COLEC10: variants seen among roughly 807,000 people sequenced by gnomAD.
COLEC10 encodes the protein collectin subfamily member 10, also known as collectin-10.
A neutral mutation model predicts 28.4 loss-of-function variants in COLEC10; 22 were observed. The observed-to-expected ratio is 0.78, with a 90% CI of 0.55 to 1.11. The LOEUF (loss-of-function observed/expected upper bound fraction) is 1.11. COLEC10 is among the 50% of genes least tolerant of loss of function. COLEC10 has a pLI of 0.00. For missense variants in COLEC10, 361 were observed against 344.1 expected (o/e 1.05, Z -0.39); for synonymous variants, 125 against 116.1 (o/e 1.08, Z -0.49).
At chr8:118,998,020 A>G (rs1326455469) in intron 1 of COLEC10, among the ~76,000 whole-genome samples, 1 of 152,186 alleles carries the variant, frequency 6.6e-6, no homozygotes, top group Admixed American at 6.5e-5. Flanking sequence ...TCAACATATG[A>G]TCAATCAAGA....
intron 2 of COLEC10, among the ~76,000 whole-genome samples, chr8:119,035,918 G>C (rs1460391002): frequency 6.6e-6 from 1 of 152,058 alleles, no homozygotes; most frequent in Non-Finnish European, 1.5e-5. Flanking sequence ...TGCTGTTTAA[G>C]GTACCAGTGT....
the COLEC10 span, among the ~76,000 whole-genome samples, chr8:118,965,910 T>A: frequency 6.6e-6 from 1 of 152,056 alleles, no homozygotes; most frequent in Non-Finnish European, 1.5e-5. Context: ...TGACAAAAAA[T>A]TAATTCTGTT....
chr8:118,978,656 A>G, the COLEC10 span, among the ~76,000 whole-genome samples: 299 of 152,188 alleles, frequency 2.0e-3, no homozygotes, highest in African/African-American at 6.7e-3. Flanking sequence ...ATATATACAC[A>G]TATATGTATA....
chr8:119,033,611 A>G (rs1463850652), intron 2 of COLEC10, among the ~76,000 whole-genome samples: 1 of 152,230 alleles, frequency 6.6e-6, no homozygotes, highest in Non-Finnish European at 1.5e-5. Context: ...CAAAAAAGAC[A>G]TTTATGCAGC....
upstream of COLEC10, among the ~76,000 whole-genome samples, chr8:119,066,549 C>T (rs1240270329): frequency 6.6e-6 from 1 of 152,190 alleles, no homozygotes; most frequent in African/African-American, 2.4e-5. Flanking sequence ...CGTTGTTAGG[C>T]AATTGAAGGC....
At position 119,106,295 on chromosome 8, in the gene COLEC10, T is replaced by G; in HGVS notation, c.*104T>G. On this transcript the variant is annotated 3_prime_UTR_variant, in exon 6 of 6. Transcript: ENST00000332843. ...GTACTACATTTGATCTGAGTCAACATAGCTAGAAAATGCTAAACTGAGGTA... is the reference window on the plus strand; with the variant it reads ...GTACTACATTTGATCTGAGTCAACAGAGCTAGAAAATGCTAAACTGAGGTA... 7.9e-7 allele frequency: 1 copy of G among 1,267,944 alleles called. No homozygotes were observed. Among genetic ancestry groups the G allele is most frequent in the South Asian group, 1.5e-5 (1 of 68,004 alleles). 78.5% of individuals were successfully genotyped at this position (1,267,944 alleles called of 1,614,324 possible). A position where few individuals can be genotyped will look rare whatever the true frequency, so the allele number is the denominator to read the frequency against.
At chr8:119,019,486 TG>T (rs1814054648) in intron 2 of COLEC10, among the ~76,000 whole-genome samples, 1 of 152,204 alleles carries the variant, frequency 6.6e-6, no homozygotes, top group Non-Finnish European at 1.5e-5. Flanking sequence ...TCCGTCTTCC[TG>T]GAATGTCCTT....
At chr8:118,964,643 A>G in the COLEC10 span, among the ~76,000 whole-genome samples, 1 of 152,220 alleles carries the variant, frequency 6.6e-6, no homozygotes, top group Non-Finnish European at 1.5e-5. Flanking sequence ...TAAGGTGTTT[A>G]TGATCTTGAG....
intron 2 of COLEC10, among the ~76,000 whole-genome samples, chr8:119,062,150 A>G (rs1167202617): frequency 6.6e-6 from 1 of 152,134 alleles, no homozygotes; most frequent in Non-Finnish European, 1.5e-5. Context: ...TTGTATTAAA[A>G]TTATAATATT....
chr8:118,993,644 C>T (rs145964036), upstream of COLEC10, among the ~76,000 whole-genome samples: 468 of 152,272 alleles, frequency 3.1e-3, 1 homozygote, highest in African/African-American at 0.01. Context: ...CGTGAGCCAC[C>T]ACACCCAGCC....
the COLEC10 span, among the ~76,000 whole-genome samples, chr8:118,985,152 A>AT: frequency 6.6e-6 from 1 of 152,066 alleles, no homozygotes; most frequent in African/African-American, 2.4e-5. Flanking sequence ...CAAAACCTTG[A>AT]TTTTGGATGT....
At chr8:119,018,729 A>G (rs908326624) in intron 2 of COLEC10, among the ~76,000 whole-genome samples, 9 of 152,222 alleles carry the variant, frequency 5.9e-5, no homozygotes, top group Non-Finnish European at 1.2e-4. Flanking sequence ...TAAAGTCCAA[A>G]TCATGTAGAA....
intron 1 of COLEC10, among the ~76,000 whole-genome samples, chr8:119,082,977 C>T (rs1243934203): frequency 6.6e-6 from 1 of 152,182 alleles, no homozygotes; most frequent in East Asian, 1.9e-4. Flanking sequence ...TCCATCTTCT[C>T]CTGAGGCTTT....
upstream of COLEC10, among the ~76,000 whole-genome samples, chr8:118,993,291 G>C (rs1813532804): frequency 6.6e-6 from 1 of 152,080 alleles, no homozygotes; most frequent in Non-Finnish European, 1.5e-5. Flanking sequence ...CTTGTACATA[G>C]ATGTCTTTTC....
At chr8:119,015,630 C>T (rs948993696) in intron 2 of COLEC10, among the ~76,000 whole-genome samples, 3 of 152,162 alleles carry the variant, frequency 2.0e-5, no homozygotes, top group Non-Finnish European at 4.4e-5. Flanking sequence ...CACACTGAGA[C>T]TTCAACAATA....
chr8:119,095,563 A>G (rs927671334), intron 3 of COLEC10, among the ~76,000 whole-genome samples: 7 of 152,094 alleles, frequency 4.6e-5, no homozygotes, highest in African/African-American at 1.7e-4. Flanking sequence ...TTAGCCTGGC[A>G]TGGTAGTGCA....
intron 1 of COLEC10, among the ~76,000 whole-genome samples, chr8:119,078,936 C>A (rs1815309228): frequency 6.6e-6 from 1 of 151,298 alleles, no homozygotes; most frequent in Non-Finnish European, 1.5e-5. Flanking sequence ...GTTACATATA[C>A]AGAGTGTTGT....
chr8:118,982,247 A>G, the COLEC10 span, among the ~76,000 whole-genome samples: 3 of 152,178 alleles, frequency 2.0e-5, no homozygotes, highest in African/African-American at 7.2e-5. Context: ...CCTCCCTTCA[A>G]TCTGGAAATA....
chr8:119,101,043 T>A (rs531971719), intron 3 of COLEC10, among the ~76,000 whole-genome samples: 2 of 152,242 alleles, frequency 1.3e-5, no homozygotes, highest in Admixed American at 6.5e-5. Context: ...GAAAAGCCAA[T>A]GGGTGTCCTC....
Sources: gnomAD v4.1 joint callset for allele counts (sites outside exome capture counted in the v4.1 genomes callset) on GRCh38, gnomAD v4.1.1 for gene constraint, MANE v1.5 for transcripts, NCBI Gene and HGNC (gene_info 2026-07-23, HGNC 2026-07-21) for gene names.